PRKDC: variants seen among roughly 807,000 people sequenced by gnomAD.
The protein encoded by PRKDC is protein kinase, DNA-activated, catalytic subunit.
PRKDC carries 82 observed loss-of-function variants against 486.9 expected under a neutral mutation model. The ratio of observed to expected loss-of-function variants is 0.17; its 90% CI spans 0.14 to 0.20. The LOEUF (loss-of-function observed/expected upper bound fraction) is 0.20, where lower values mean the gene tolerates loss of function less well. PRKDC is among the 10% of genes least tolerant of loss of function. The probability of loss-of-function intolerance (pLI) is 1.00; values close to 1 mark genes in which losing one functional copy is unlikely to be tolerated. For missense variants in PRKDC, 4,504 were observed against 5,038.2 expected, an observed-to-expected ratio of 0.89 and a Z score of 3.21; for synonymous variants, 1,895 against 1,837.0, an observed-to-expected ratio of 1.03 and a Z score of -0.81.
intron 15 of PRKDC, among the ~76,000 whole-genome samples, chr8:47,933,484 T>A (rs1431050321): frequency 6.6e-6 from 1 of 152,270 alleles, no homozygotes; most frequent in African/African-American, 2.4e-5. Context: ...TCTGTGGATG[T>A]GTATGTATAA....
Position 47,936,476 on chromosome 8 carries a change from G to A in PRKDC, c.1155C>T (p.Tyr385=), listed in dbSNP as rs774869533. The A allele has an allele frequency of 2.4e-5, 38 of 1,613,856 alleles. No individual in the cohort carries two copies. Among genetic ancestry groups the A allele is most frequent in the South Asian group, 6.6e-5 (6 of 91,090 alleles). ...GCTTGCAGCGCTGAATGAGCTCAACGTACATGAAGTCAACATCTTTTGCGT... is the reference window on the plus strand; with the variant it reads ...GCTTGCAGCGCTGAATGAGCTCAACATACATGAAGTCAACATCTTTTGCGT... The part of the protein sequence containing the change: ...VINAKDVDFM[Y]VELIQRCKQM... The change falls in exon 12 of 86, where the codon TAC becomes TAT. Residue 385 remains tyrosine (Y), a synonymous_variant. Coordinates refer to ENST00000314191, the MANE Select transcript of PRKDC (RefSeq NM_006904.7).
intron 21 of PRKDC, among the ~76,000 whole-genome samples, chr8:47,921,286 A>G (rs922577523): frequency 3.9e-5 from 6 of 152,116 alleles, no homozygotes; most frequent in South Asian, 2.1e-4. Flanking sequence ...GAAAAATGTA[A>G]TAAGTTTATG....
At position 47,934,065 on chromosome 8, in the gene PRKDC, T is replaced by C; in HGVS notation, c.1523A>G (p.His508Arg). Residue 508 changes from histidine (H) to arginine (R), a missense_variant, in exon 15 of 86, where the codon CAC (histidine) becomes CGC (arginine). By Grantham distance (29) the His-to-Arg change is conservative. Coordinates refer to ENST00000314191, the MANE Select transcript of PRKDC (RefSeq NM_006904.7). ...PKGPESESED[H>R]RASGEVRTGK... ...AGTTCTGACTTCCCCTGAAGCACGG[T>C]GGTCTTCAGATTCAGACTCAGGGCC... 1 of 1,613,760 alleles carries C rather than the reference T, an allele frequency of 6.2e-7. No individual in the cohort carries two copies. The highest frequency in any genetic ancestry group is 8.5e-7 in the Non-Finnish European group (1 of 1,179,750).
At chr8:47,942,676 C>T (rs2090464563) in intron 10 of PRKDC, among the ~76,000 whole-genome samples, 1 of 152,240 alleles carries the variant, frequency 6.6e-6, no homozygotes, top group South Asian at 2.1e-4. Context: ...CTGCAGCCAC[C>T]TCTGGACACC....
intron 54 of PRKDC, among the ~76,000 whole-genome samples, chr8:47,846,659 A>G (rs2088271587): frequency 6.6e-6 from 1 of 152,188 alleles, no homozygotes; most frequent in South Asian, 2.1e-4. Flanking sequence ...ACACAGAACA[A>G]TCAAGCAAGA....
At chr8:47,948,460 GTTT>G (rs1194268682) in intron 7 of PRKDC, among the ~76,000 whole-genome samples, 2 of 120,248 alleles carry the variant, frequency 1.7e-5, no homozygotes. Context: ...TGGGTGCCTT[GTTT>G]TTTTTTTTTT....
intron 21 of PRKDC, among the ~76,000 whole-genome samples, chr8:47,921,442 T>C (rs181193971): frequency 3.9e-5 from 6 of 152,274 alleles, no homozygotes; most frequent in South Asian, 2.1e-4. Flanking sequence ...CTTTGGATGG[T>C]TGGGTACTTT....
rs763087028 is a variant in PRKDC at position 47,860,857 on chromosome 8, C to T, written c.6058+42G>A. ...TAGAACAAAACAAAACAAAATAACC[C>T]ATCGATTTGAATCCTTTCTCATGAT... is the stretch of plus-strand genomic sequence containing the variant. On this transcript the variant is annotated intron_variant, in intron 45 of 85. Transcript: ENST00000314191. 1.0e-5 allele frequency: 15 copies of T among 1,460,718 alleles called. No individual in the cohort carries two copies. In the Admixed American group the frequency reaches 2.9e-4, roughly 28 times the overall value. 90.5% of individuals were successfully genotyped at this position (1,460,718 alleles called of 1,614,324 possible). A position where few individuals can be genotyped will look rare whatever the true frequency, so the allele number is the denominator to read the frequency against.
intron 25 of PRKDC, among the ~76,000 whole-genome samples, chr8:47,908,140 C>A (rs1334792367): frequency 6.6e-6 from 1 of 152,242 alleles, no homozygotes; most frequent in Non-Finnish European, 1.5e-5. Context: ...TGTCGCCCCA[C>A]CAACCATGAC....
intron 45 of PRKDC, among the ~76,000 whole-genome samples, chr8:47,860,601 AAAC>A (rs1007363237): frequency 7.2e-5 from 11 of 152,362 alleles, no homozygotes; most frequent in Admixed American, 2.0e-4. Context: ...ATCCATATGC[AAAC>A]AATAAGACAC....
At chr8:47,918,998 G>A (rs747696139) in intron 21 of PRKDC, among the ~76,000 whole-genome samples, 2 of 151,940 alleles carry the variant, frequency 1.3e-5, no homozygotes, top group Non-Finnish European at 2.9e-5. Context: ...TACAGAGGAT[G>A]GAGAGTATAT....
At chr8:47,873,144 A>T (rs866747760) in intron 40 of PRKDC, among the ~76,000 whole-genome samples, 3 of 151,738 alleles carry the variant, frequency 2.0e-5, no homozygotes, top group Non-Finnish European at 2.9e-5. Context: ...TGCTGAAAAA[A>T]CTAAAAATAG....
chr8:47,925,653 T>TA (rs2090145039), intron 21 of PRKDC, among the ~76,000 whole-genome samples: 1 of 152,230 alleles, frequency 6.6e-6, no homozygotes, highest in Non-Finnish European at 1.5e-5. Context: ...ATACTGTAGT[T>TA]ACGTAAAAGA....
chr8:47,932,590 T>A (rs923992770), intron 16 of PRKDC, among the ~76,000 whole-genome samples: 4 of 152,174 alleles, frequency 2.6e-5, no homozygotes, highest in Admixed American at 2.0e-4. Context: ...TTCTTATTTC[T>A]CTTCCTATTA....
rs145762265 is a variant in PRKDC at position 47,778,683 on chromosome 8, C to T, written c.11652-23G>A. 58 of 1,612,788 alleles carry T rather than the reference C, an allele frequency of 3.6e-5. No individual in the cohort carries two copies. In the Middle Eastern group the frequency reaches 6.6e-4, roughly 18 times the overall value. On this transcript the variant is annotated intron_variant, in intron 82 of 85. Coordinates refer to ENST00000314191, the MANE Select transcript of PRKDC (RefSeq NM_006904.7). Reference sequence around the variant, plus strand: ...CGCCTACAAAAGAGACACAGCTGTGCGGCTGCTGTGATCCCACTAAGGGTG... The same window carrying T: ...CGCCTACAAAAGAGACACAGCTGTGTGGCTGCTGTGATCCCACTAAGGGTG...
In PRKDC at chr8:47,826,675, T is replaced by G. The variant is rs761189543; in HGVS notation, c.8764A>C (p.Arg2922=). Residue 2922 remains arginine, a synonymous_variant, in exon 63 of 86, where the codon AGA becomes CGA. Transcript: ENST00000314191. ...GKARLPPDVL[R]WVELAKLYRS... is the part of the protein sequence containing the mutation. The stretch of plus-strand genomic sequence containing the variant: ...ACTTACTTAGCAAGCTCCACCCATC[T>G]GAGGACATCAGGAGGGAGGCGGGCC... The G allele has an allele frequency of 1.2e-6, 2 of 1,612,426 alleles. No homozygotes were observed. Among genetic ancestry groups the G allele is most frequent in the Admixed American group, 1.7e-5 (1 of 60,008 alleles).
chr8:47,958,730 T>C (rs1325307115), intron 1 of PRKDC, among the ~76,000 whole-genome samples: 1 of 151,600 alleles, frequency 6.6e-6, no homozygotes, highest in Non-Finnish European at 1.5e-5. Context: ...TACATGTATA[T>C]AGCATCTTTT....
At chr8:47,822,456 G>A (rs1458190990) in intron 64 of PRKDC, among the ~76,000 whole-genome samples, 2 of 152,094 alleles carry the variant, frequency 1.3e-5, no homozygotes, top group Non-Finnish European at 2.9e-5. Context: ...AATAAAATTA[G>A]AATACAGGAC....
Position 47,959,959 on chromosome 8 carries a change from G to A in PRKDC, c.154+14C>T, listed in dbSNP as rs771842578. ...CCAGGACCCACCCGCGGCCCAGCTC[G>A]GGCCGGTACCCACCCAGCACCGCGG... On this transcript the variant is annotated intron_variant, in intron 1 of 85. Coordinates refer to ENST00000314191, the MANE Select transcript of PRKDC (RefSeq NM_006904.7). 34 of 1,529,120 alleles carry A rather than the reference G, an allele frequency of 2.2e-5. No individual in the cohort carries two copies. The South Asian group carries it at 3.2e-4, about 14-fold the overall frequency. The allele number at this position is 1,529,120 out of a possible 1,614,324, so 94.7% of individuals were successfully genotyped here.
Sources: allele counts gnomAD v4.1 joint callset (sites outside exome capture counted in the v4.1 genomes callset), GRCh38; gene constraint gnomAD v4.1.1; transcripts MANE v1.5; gene names NCBI Gene and HGNC (gene_info 2026-07-23, HGNC 2026-07-21).